NOS1AP: variants seen among roughly 807,000 people sequenced by gnomAD.
The protein encoded by NOS1AP is nitric oxide synthase 1 adaptor protein, also known as carboxyl-terminal PDZ ligand of neuronal nitric oxide synthase protein.
NOS1AP carries 21 observed loss-of-function variants against 56.2 expected under a neutral mutation model. That is an observed-to-expected ratio of 0.37 (90% CI 0.26 to 0.54). The LOEUF is 0.54. NOS1AP is among the 20% of genes least tolerant of loss of function. The pLI is 0.84. For synonymous variants in NOS1AP, 270 were observed against 274.6 expected (o/e 0.98, Z 0.17); for missense variants, 522 against 657.8 (o/e 0.79, Z 2.26).
chr1:162,366,983 A>G, intron 9 of NOS1AP, 69 bp from the exon 10 acceptor site: 1 of 1,587,476 alleles, frequency 6.3e-7, no homozygotes, highest in South Asian at 1.1e-5. Context: ...GGGCGGGCAG[A>G]AGGCGGGCAT....
Position 162,367,705 on chromosome 1 carries a change from A to C in NOS1AP, c.*238A>C. The stretch of plus-strand genomic sequence containing the variant: ...CCTACTTGTGACTAGAGGGTGGTGG[A>C]GGTAAGGCCTTCCAGAGCCCATGGC... On this transcript the variant is annotated 3_prime_UTR_variant, in exon 10 of 10. Coordinates refer to ENST00000361897, the MANE Select transcript of NOS1AP (RefSeq NM_014697.3). The surrounding 1 kb of genome is among the most constrained non-coding windows in gnomAD (Gnocchi z 6.5). 1.8e-6 allele frequency: 1 copy of C among 552,820 alleles called. No individual in the cohort carries two copies. The highest frequency in any genetic ancestry group is 3.2e-6 in the Non-Finnish European group (1 of 311,374). 34.2% of individuals were successfully genotyped at this position (552,820 alleles called of 1,614,324 possible).
chr1:162,316,705 T>A (rs1340415357), intron 4 of NOS1AP: 1 of 152,450 alleles, frequency 6.6e-6, no homozygotes, highest in Non-Finnish European at 1.5e-5. Context: ...GAGCAATGTT[T>A]TAGGGGCAGG....
chr1:162,367,545 C>A lies in NOS1AP; in HGVS notation c.*78C>A. 6.9e-7 allele frequency: 1 copy of A among 1,446,350 alleles called. No homozygotes were observed. Among genetic ancestry groups the A allele is most frequent in the Non-Finnish European group, 9.2e-7 (1 of 1,083,638 alleles). The allele number at this position is 1,446,350 out of a possible 1,614,324, so 89.6% of individuals were successfully genotyped here. A position where few individuals can be genotyped will look rare whatever the true frequency, so the allele number is the denominator to read the frequency against. On this transcript the variant is annotated 3_prime_UTR_variant, in exon 10 of 10. Transcript: ENST00000361897. This position sits in a 1 kb window ranked among gnomAD's most constrained non-coding sequence, Gnocchi z 6.5. ...GGCTGCTGCCCGGGTAGGGGATGCCCAGTGAATGTGCACTGCCGAGGAGAA... is the reference window on the plus strand; with the variant it reads ...GGCTGCTGCCCGGGTAGGGGATGCCAAGTGAATGTGCACTGCCGAGGAGAA...
intron 8 of NOS1AP, chr1:162,363,810 A>G: frequency 2.0e-6 from 2 of 985,404 alleles, no homozygotes; most frequent in Non-Finnish European, 2.4e-6. Flanking sequence ...CTCAATTAAT[A>G]TGAGACAAAA....
intron 2 of NOS1AP, among the ~76,000 whole-genome samples, chr1:162,256,962 C>T (rs1654048935): frequency 6.6e-6 from 1 of 152,158 alleles, no homozygotes; most frequent in African/African-American, 2.4e-5. Flanking sequence ...CAACCACTTA[C>T]AGGGCATTCT....
chr1:162,165,319 C>CA lies in NOS1AP; in HGVS notation c.177+10853dup, dbSNP rs781481183. ...CTGGGTAACAAGAGCGAAACTCTGT[C>CA]AAAAAAAAAAGAAAGACTTCCTCAA... On this transcript the variant is annotated intron_variant, in intron 2 of 9. Coordinates refer to ENST00000361897, the MANE Select transcript of NOS1AP (RefSeq NM_014697.3). 5.5e-3 allele frequency among the ~76,000 whole-genome samples: 801 copies of CA among 146,916 alleles called. 4 individuals are homozygous for CA. The highest frequency in any genetic ancestry group is 0.011 in the African/African-American group (444 of 40,088).
intron 4 of NOS1AP, among the ~76,000 whole-genome samples, chr1:162,325,995 A>C (rs1477852786): frequency 1.3e-5 from 2 of 151,968 alleles, no homozygotes; most frequent in Admixed American, 6.6e-5. Flanking sequence ...CACAGTTTTC[A>C]AGTATTTGTA....
intron 2 of NOS1AP, among the ~76,000 whole-genome samples, chr1:162,161,279 T>TG (rs1557811339): frequency 6.6e-6 from 1 of 152,188 alleles, no homozygotes; most frequent in Admixed American, 6.5e-5. Flanking sequence ...TGGACCTCTT[T>TG]GGGGGGCTTT....
intron 4 of NOS1AP, among the ~76,000 whole-genome samples, chr1:162,301,926 CCAAA>C (rs1655676073): frequency 6.6e-6 from 1 of 152,188 alleles, no homozygotes; most frequent in Admixed American, 6.5e-5. Context: ...GTCCATTCAT[CCAAA>C]CAATGTGCAG....
chr1:162,173,643 G>T (rs995528697), intron 2 of NOS1AP, among the ~76,000 whole-genome samples: 12 of 152,114 alleles, frequency 7.9e-5, no homozygotes, highest in African/African-American at 2.7e-4. Context: ...CCTACAGAAT[G>T]GGAGAAAATT....
At chr1:162,121,033 C>T (rs1051922706) in intron 1 of NOS1AP, among the ~76,000 whole-genome samples, 22 of 148,944 alleles carry the variant, frequency 1.5e-4, no homozygotes, top group South Asian at 4.2e-4. Flanking sequence ...AAAGTCCTGT[C>T]GAGGCCTATA....
intron 5 of NOS1AP, among the ~76,000 whole-genome samples, chr1:162,337,938 T>G (rs1358204188): frequency 6.6e-6 from 1 of 152,214 alleles, no homozygotes; most frequent in Non-Finnish European, 1.5e-5. Flanking sequence ...GAAGTCCAAA[T>G]ATAAATGTAT....
At chr1:162,071,339 G>C (rs573688678) in intron 1 of NOS1AP, among the ~76,000 whole-genome samples, 4 of 152,322 alleles carry the variant, frequency 2.6e-5, no homozygotes, top group African/African-American at 9.6e-5. Flanking sequence ...CTTTCTTGAT[G>C]GTGTACGTGC....
At chr1:162,183,149 A>G (rs574845542) in intron 2 of NOS1AP, among the ~76,000 whole-genome samples, 112 of 152,384 alleles carry the variant, frequency 7.3e-4, no homozygotes, top group African/African-American at 2.6e-3. Context: ...GTTAACAGGC[A>G]TGAAAACAAC....
Position 162,078,423 on chromosome 1 carries a change from C to A in NOS1AP, c.105+8141C>A, listed in dbSNP as rs148823135. On this transcript the variant is annotated intron_variant, in intron 1 of 9. Coordinates refer to ENST00000361897, the MANE Select transcript of NOS1AP (RefSeq NM_014697.3). The stretch of plus-strand genomic sequence containing the variant: ...ACTCAAATTTGCTGTTTACTGGGTA[C>A]CTATGATGTCCAGGCTCTACTCTCC... Among the ~76,000 whole-genome samples the A allele has an allele frequency of 6.5e-3, 986 of 152,268 alleles. 39 individuals carry two copies. Among genetic ancestry groups the A allele is most frequent in the Admixed American group, 0.046 (706 of 15,286 alleles).
At chr1:162,364,460 G>C (rs1304874921) in intron 8 of NOS1AP, 1 of 985,280 alleles carries the variant, frequency 1.0e-6, no homozygotes, top group Non-Finnish European at 1.2e-6. Context: ...TCAAACCAGG[G>C]TCCTGGTCTG....
chr1:162,240,553 T>A (rs1437507583), intron 2 of NOS1AP, among the ~76,000 whole-genome samples: 1 of 152,214 alleles, frequency 6.6e-6, no homozygotes, highest in Non-Finnish European at 1.5e-5. Context: ...AGCGGGAGCC[T>A]GAATCACACT....
At chr1:162,358,596 C>T (rs1383235316) in intron 8 of NOS1AP, among the ~76,000 whole-genome samples, 1 of 152,050 alleles carries the variant, frequency 6.6e-6, no homozygotes, top group Non-Finnish European at 1.5e-5. Flanking sequence ...TAAAAGAATC[C>T]ATCTCCTGTA....
chr1:162,237,297 A>C (rs1166255140), intron 2 of NOS1AP, among the ~76,000 whole-genome samples: 1 of 152,218 alleles, frequency 6.6e-6, no homozygotes, highest in Non-Finnish European at 1.5e-5. Context: ...AATCCAGTAA[A>C]GCCCTTGTTA....
Sources: allele counts gnomAD v4.1 joint callset (sites outside exome capture counted in the v4.1 genomes callset), GRCh38; gene constraint gnomAD v4.1.1; non-coding constraint Gnocchi (gnomAD v3.1); transcripts MANE v1.5; gene names NCBI Gene and HGNC (gene_info 2026-07-23, HGNC 2026-07-21).